NEDD9: variants seen among roughly 807,000 people sequenced by gnomAD.
NEDD9 encodes the protein enhancer of filamentation 1.
NEDD9 carries 26 observed loss-of-function variants against 76.6 expected under a neutral mutation model. The ratio of observed to expected loss-of-function variants is 0.34; its 90% confidence interval spans 0.25 to 0.47. The LOEUF (loss-of-function observed/expected upper bound fraction) is 0.47. NEDD9 is among the 20% of genes least tolerant of loss of function. NEDD9 has a pLI of 1.00. For synonymous variants in NEDD9, 392 were observed against 414.2 expected (o/e 0.95, Z 0.65); for missense variants, 937 against 1,058.5 (o/e 0.89, Z 1.59).
At chr6:11,359,869 G>C (rs1368832593) in intron 1 of NEDD9, among the ~76,000 whole-genome samples, 1 of 152,216 alleles carries the variant, frequency 6.6e-6, no homozygotes, top group Non-Finnish European at 1.5e-5. Context: ...TTTGAGACCT[G>C]TTTCATGCCA....
At chr6:11,365,650 T>A (rs1438306478) in intron 1 of NEDD9, among the ~76,000 whole-genome samples, 1 of 151,574 alleles carries the variant, frequency 6.6e-6, no homozygotes, top group African/African-American at 2.4e-5. Context: ...ATTCAGTACT[T>A]AAAAAAAAGG....
At chr6:11,361,760 A>G (rs1435139434) in intron 1 of NEDD9, among the ~76,000 whole-genome samples, 4 of 152,184 alleles carry the variant, frequency 2.6e-5, no homozygotes, top group Admixed American at 6.5e-5. Context: ...AAGAACACCT[A>G]TACAATCTAA....
chr6:11,337,208 A>G (rs981734980), intron 1 of NEDD9, among the ~76,000 whole-genome samples: 5 of 152,104 alleles, frequency 3.3e-5, no homozygotes, highest in Non-Finnish European at 5.9e-5. Flanking sequence ...ACAGAGTGAG[A>G]TTCTGTCTCA....
intron 1 of NEDD9, among the ~76,000 whole-genome samples, chr6:11,222,367 T>C (rs970902562): frequency 6.6e-6 from 1 of 152,228 alleles, no homozygotes; most frequent in Non-Finnish European, 1.5e-5. Flanking sequence ...CAGAGAGTTT[T>C]AGAAAACAGA....
At chr6:11,251,300 G>A (rs1256601960) in intron 3 of NEDD9, 1 of 152,116 alleles carries the variant, frequency 6.6e-6, no homozygotes, top group Non-Finnish European at 1.5e-5. Flanking sequence ...TTTGTCTCTT[G>A]TCCTCTACTA....
chr6:11,242,290 A>G (rs1301325263), intron 3 of NEDD9, among the ~76,000 whole-genome samples: 2 of 152,212 alleles, frequency 1.3e-5, no homozygotes, highest in African/African-American at 4.8e-5. Context: ...GGCACTAAGT[A>G]TAAGTTCTCT....
intron 2 of NEDD9, among the ~76,000 whole-genome samples, chr6:11,323,627 ACTGT>A (rs1033448747): frequency 1.3e-4 from 20 of 152,140 alleles, no homozygotes; most frequent in Non-Finnish European, 2.6e-4. Context: ...ACAACAGAAA[ACTGT>A]CTGGCCCCAA....
chr6:11,185,479 A>G lies in NEDD9; in HGVS notation c.2188T>C (p.Phe730Leu). Reference protein sequence around the residue: ...ISLLNAIDALFSCVSSAQPPR... With the variant: ...ISLLNAIDALLSCVSSAQPPR... ...GGCTGGGCTGAGCTGACACAACTGAAGAGTGCGTCAATGGCGTTGAGAAGG... is the reference window on the plus strand; with the variant it reads ...GGCTGGGCTGAGCTGACACAACTGAGGAGTGCGTCAATGGCGTTGAGAAGG... The change falls in exon 7 of 7, where the codon TTC becomes CTC. Residue 730 changes from phenylalanine (F) to leucine (L), a missense_variant. Phe to Leu is a conservative substitution (Grantham distance 22). Coordinates refer to ENST00000379446, the MANE Select transcript of NEDD9 (RefSeq NM_006403.4). The G allele has an allele frequency of 1.2e-6, 2 of 1,614,212 alleles. No homozygotes were observed. The highest frequency in any genetic ancestry group is 1.3e-5 in the African/African-American group (1 of 75,038).
Position 11,284,541 on chromosome 6 carries a change from G to A in NEDD9, c.12+21451C>T, listed in dbSNP as rs148949229. 9.3e-3 allele frequency among the ~76,000 whole-genome samples: 1,408 copies of A among 151,804 alleles called. 4 individuals carry two copies. Among genetic ancestry groups the A allele is most frequent in the Middle Eastern group, 0.014 (4 of 292 alleles). ...AGATCGCGCCACTGCACTCCAGCCT[G>A]AGCGACAGAGCAAGACTCTGTCTCA... On this transcript the variant is annotated intron_variant, in intron 3 of 3. Transcript: ENST00000397378.
chr6:11,378,756 A>T (rs7775262), intron 1 of NEDD9, among the ~76,000 whole-genome samples: 1 of 152,018 alleles, frequency 6.6e-6, no homozygotes, highest in Non-Finnish European at 1.5e-5. Flanking sequence ...AAAAAAATTT[A>T]TCATTCATTG....
intron 1 of NEDD9, among the ~76,000 whole-genome samples, chr6:11,215,113 A>G (rs939837771): frequency 1.3e-5 from 2 of 152,138 alleles, no homozygotes; most frequent in Non-Finnish European, 2.9e-5. Context: ...GGGCTGTGCA[A>G]TGGAAGGGAT....
chr6:11,294,167 A>T (rs973466014), intron 3 of NEDD9, among the ~76,000 whole-genome samples: 6 of 152,158 alleles, frequency 3.9e-5, no homozygotes, highest in African/African-American at 1.4e-4. Flanking sequence ...TGAGGTACTG[A>T]TTTCATTTCC....
At chr6:11,346,822 G>A (rs1284361026) in intron 1 of NEDD9, among the ~76,000 whole-genome samples, 2 of 152,144 alleles carry the variant, frequency 1.3e-5, no homozygotes, top group African/African-American at 4.8e-5. Context: ...TGGAGAGGAT[G>A]TGCAAACCTC....
chr6:11,342,495 A>T (rs1762293377), intron 1 of NEDD9, among the ~76,000 whole-genome samples: 1 of 152,248 alleles, frequency 6.6e-6, no homozygotes, highest in Admixed American at 6.5e-5. Context: ...GAAACAGTAG[A>T]GGCTAGAAGA....
At chr6:11,372,579 C>T (rs1170610900) in intron 1 of NEDD9, among the ~76,000 whole-genome samples, 2 of 152,170 alleles carry the variant, frequency 1.3e-5, no homozygotes, top group Non-Finnish European at 2.9e-5. Context: ...CCAAACTGTT[C>T]TCCACAGTGG....
chr6:11,261,377 C>A (rs555035469), intron 3 of NEDD9, among the ~76,000 whole-genome samples: 3 of 152,232 alleles, frequency 2.0e-5, no homozygotes, highest in African/African-American at 7.2e-5. Flanking sequence ...ACAATTAGAA[C>A]CTATGTCTTT....
At chr6:11,311,165 T>G (rs1476037982) in intron 2 of NEDD9, among the ~76,000 whole-genome samples, 1 of 152,178 alleles carries the variant, frequency 6.6e-6, no homozygotes, top group Non-Finnish European at 1.5e-5. Context: ...GCAGGAGGAT[T>G]GAATTGTGTA....
At chr6:11,235,227 T>G (rs1759574736), upstream of NEDD9, among the ~76,000 whole-genome samples, 1 of 152,166 alleles carries the variant, frequency 6.6e-6, no homozygotes. This position sits in a 1 kb window ranked among gnomAD's most constrained non-coding sequence, Gnocchi z 4.1. Context: ...TAATATTTTA[T>G]GACATTATTG....
At chr6:11,270,479 C>G (rs980412147) in intron 3 of NEDD9, among the ~76,000 whole-genome samples, 1 of 151,836 alleles carries the variant, frequency 6.6e-6, no homozygotes, top group Non-Finnish European at 1.5e-5. Flanking sequence ...ACTTATCTAC[C>G]TAAAATAAAC....
Sources: allele counts gnomAD v4.1 joint callset (sites outside exome capture counted in the v4.1 genomes callset), GRCh38; gene constraint gnomAD v4.1.1; non-coding constraint Gnocchi (gnomAD v3.1); transcripts MANE v1.5; gene names NCBI Gene and HGNC (gene_info 2026-07-23, HGNC 2026-07-21).